ZNF385D: variants seen among roughly 807,000 people sequenced by gnomAD.
The protein encoded by ZNF385D is zinc finger protein 659.
A neutral mutation model predicts 35.8 loss-of-function variants in ZNF385D; 15 were observed. The ratio of observed to expected loss-of-function variants is 0.42; its 90% confidence interval spans 0.28 to 0.64. The LOEUF (loss-of-function observed/expected upper bound fraction) is 0.64, where lower values mean the gene tolerates loss of function less well. Among genes scored for constraint, ZNF385D ranks in the 30% least tolerant of loss-of-function variants. The pLI is 0.23. For synonymous variants in ZNF385D, 212 were observed against 186.8 expected (o/e 1.13, Z -1.10); for missense variants, 474 against 494.6 (o/e 0.96, Z 0.39).
At chr3:22,075,949 C>T (rs1468653264) in intron 3 of ZNF385D, among the ~76,000 whole-genome samples, 2 of 151,880 alleles carry the variant, frequency 1.3e-5, no homozygotes, top group African/African-American at 4.8e-5. Context: ...TGAGGATATT[C>T]TTCGCTTCTT....
At chr3:22,357,704 GGC>G (rs1696219123) in intron 2 of ZNF385D, among the ~76,000 whole-genome samples, 3 of 151,934 alleles carry the variant, frequency 2.0e-5, no homozygotes, top group African/African-American at 7.2e-5. Context: ...GGTTAACAAA[GGC>G]TTCACCATCT....
chr3:22,240,169 C>T (rs1269148476), intron 2 of ZNF385D, among the ~76,000 whole-genome samples: 3 of 124,700 alleles, frequency 2.4e-5, no homozygotes, highest in Non-Finnish European at 4.8e-5. Flanking sequence ...GGTGACAAAG[C>T]GAGACCCTGT....
At chr3:22,212,583 G>A (rs1228562809) in intron 2 of ZNF385D, among the ~76,000 whole-genome samples, 1 of 151,828 alleles carries the variant, frequency 6.6e-6, no homozygotes, top group African/African-American at 2.4e-5. Flanking sequence ...AACAAATCAA[G>A]CTTAATGTGT....
chr3:22,364,554 A>C (rs747553829), intron 2 of ZNF385D, among the ~76,000 whole-genome samples: 19 of 152,164 alleles, frequency 1.2e-4, no homozygotes, highest in Non-Finnish European at 2.5e-4. Flanking sequence ...ATTAGATACC[A>C]CTTCACCCCC....
At chr3:22,229,096 T>C (rs1698732767) in intron 2 of ZNF385D, among the ~76,000 whole-genome samples, 1 of 152,224 alleles carries the variant, frequency 6.6e-6, no homozygotes, top group African/African-American at 2.4e-5. Flanking sequence ...CTCTTTCATA[T>C]ATACCTTTAT....
chr3:22,332,268 C>A (rs369683661), intron 2 of ZNF385D, among the ~76,000 whole-genome samples: 1 of 152,048 alleles, frequency 6.6e-6, no homozygotes, highest in Non-Finnish European at 1.5e-5. Context: ...ACTAGAACTA[C>A]GGTAGCAGGT....
intron 3 of ZNF385D, among the ~76,000 whole-genome samples, chr3:21,913,268 C>T (rs996314723): frequency 6.6e-6 from 1 of 152,076 alleles, no homozygotes; most frequent in East Asian, 1.9e-4. Context: ...TTAACTAGAA[C>T]CATTATAATT....
intron 3 of ZNF385D, among the ~76,000 whole-genome samples, chr3:22,070,627 C>T (rs1343666600): frequency 1.3e-5 from 2 of 151,914 alleles, no homozygotes; most frequent in Admixed American, 1.3e-4. Flanking sequence ...ATAGAAAGTA[C>T]TATAGTAAGT....
intron 2 of ZNF385D, among the ~76,000 whole-genome samples, chr3:22,325,379 T>C (rs1469533799): frequency 1.3e-5 from 2 of 152,230 alleles, no homozygotes; most frequent in East Asian, 3.8e-4. Flanking sequence ...TCATTAGTTG[T>C]ACAGCAATAC....
intron 3 of ZNF385D, among the ~76,000 whole-genome samples, chr3:22,103,990 C>T (rs1013412382): frequency 6.6e-6 from 1 of 152,024 alleles, no homozygotes; most frequent in African/African-American, 2.4e-5. Context: ...AATTTATTCA[C>T]TTATATATTA....
chr3:22,228,071 G>C (rs1439384597), intron 2 of ZNF385D, among the ~76,000 whole-genome samples: 1 of 152,158 alleles, frequency 6.6e-6, no homozygotes, highest in Non-Finnish European at 1.5e-5. Flanking sequence ...TGAAGACAGC[G>C]GAGACGGTGG....
At chr3:22,287,273 G>A (rs1208545382) in intron 2 of ZNF385D, among the ~76,000 whole-genome samples, 3 of 152,030 alleles carry the variant, frequency 2.0e-5, no homozygotes, top group African/African-American at 7.2e-5. Flanking sequence ...AAGGAGAAAT[G>A]AGTCTCTTAA....
At chr3:22,285,147 C>T (rs1481936487) in intron 2 of ZNF385D, among the ~76,000 whole-genome samples, 5 of 152,126 alleles carry the variant, frequency 3.3e-5, no homozygotes, top group Non-Finnish European at 5.9e-5. Flanking sequence ...AACTGAATCA[C>T]CAATTTTGTT....
At chr3:22,137,709 T>C (rs1342148829) in intron 3 of ZNF385D, among the ~76,000 whole-genome samples, 2 of 152,092 alleles carry the variant, frequency 1.3e-5, no homozygotes, top group South Asian at 2.1e-4. Flanking sequence ...CCACGGCCAA[T>C]ATCATACTGA....
intron 1 of ZNF385D, among the ~76,000 whole-genome samples, chr3:21,676,937 G>A (rs1336858895): frequency 6.6e-6 from 1 of 151,944 alleles, no homozygotes; most frequent in Non-Finnish European, 1.5e-5. Flanking sequence ...TGGCCAGAAG[G>A]CAGCAGATAT....
intron 2 of ZNF385D, among the ~76,000 whole-genome samples, chr3:22,285,983 G>T (rs528583303): frequency 6.6e-6 from 1 of 151,988 alleles, no homozygotes; most frequent in African/African-American, 2.4e-5. Context: ...ATCATGATAC[G>T]TCTCCACAGC....
At chr3:22,038,484 T>C (rs1698470190) in intron 3 of ZNF385D, among the ~76,000 whole-genome samples, 1 of 152,140 alleles carries the variant, frequency 6.6e-6, no homozygotes, top group Non-Finnish European at 1.5e-5. Context: ...AAATGGAGAC[T>C]GGAGCAGAGG....
At position 21,751,026 on chromosome 3, in the gene ZNF385D, C is replaced by A. The variant is rs1438538392; in HGVS notation, c.-110G>T. ...CTACATTCGGTGGAAATGTCCCCGGCGTGGAGAGCAGTGAGCGCCGAGAGC... is the reference window on the plus strand; with the variant it reads ...CTACATTCGGTGGAAATGTCCCCGGAGTGGAGAGCAGTGAGCGCCGAGAGC... On this transcript the variant is annotated 5_prime_UTR_variant, in exon 1 of 8. Transcript: ENST00000281523. 6.3e-7 allele frequency: 1 copy of A among 1,594,764 alleles called. No individual in the cohort carries two copies. Among genetic ancestry groups the A allele is most frequent in the Non-Finnish European group, 8.5e-7 (1 of 1,170,508 alleles).
At chr3:21,514,970 A>G (rs1304372201) in intron 3 of ZNF385D, among the ~76,000 whole-genome samples, 1 of 152,166 alleles carries the variant, frequency 6.6e-6, no homozygotes, top group Admixed American at 6.6e-5. Context: ...GACATTAAAG[A>G]TATGCACACA....
Sources: gnomAD v4.1 joint callset for allele counts (sites outside exome capture counted in the v4.1 genomes callset) on GRCh38, gnomAD v4.1.1 for gene constraint, MANE v1.5 for transcripts, NCBI Gene and HGNC (gene_info 2026-07-23, HGNC 2026-07-21) for gene names.